The following GPI variants were observed in gnomAD, a reference collection of about 807,000 sequenced individuals.
The protein encoded by GPI is glucose-6-phosphate isomerase.
A neutral mutation model predicts 75.8 loss-of-function variants in GPI; 56 were observed. That is an observed-to-expected ratio of 0.74 (90% confidence interval 0.60 to 0.92). GPI has a LOEUF of 0.92. Among genes scored for constraint, GPI ranks in the 40% least tolerant of loss-of-function variants. The pLI is 0.00. For synonymous variants in GPI, 288 were observed against 285.4 expected (o/e 1.01, Z -0.09); for missense variants, 638 against 741.0 (o/e 0.86, Z 1.61).
At chr19:34,380,171 T>C (rs2074627228) in intron 8 of GPI, among the ~76,000 whole-genome samples, 1 of 151,784 alleles carries the variant, frequency 6.6e-6, no homozygotes, top group Non-Finnish European at 1.5e-5. Flanking sequence ...TATTTTCGTA[T>C]TTTTAGTAGA....
chr19:34,369,300 C>T (rs2074414704), intron 4 of GPI, among the ~76,000 whole-genome samples: 1 of 152,008 alleles, frequency 6.6e-6, no homozygotes, highest in Non-Finnish European at 1.5e-5. Flanking sequence ...CTGCCTGCCT[C>T]ACCTGGGATT....
chr19:34,363,440 T>C (rs1255162810), upstream of GPI: 1 of 152,330 alleles, frequency 6.6e-6, no homozygotes, highest in East Asian at 1.9e-4. Flanking sequence ...GTTGAGGTTT[T>C]GTTCTGAAAC....
intron 9 of GPI, among the ~76,000 whole-genome samples, chr19:34,389,631 T>C (rs1230863002): frequency 6.6e-6 from 1 of 152,214 alleles, no homozygotes. Flanking sequence ...CTGTCACGCT[T>C]GAGAAAGACT....
At position 34,393,497 on chromosome 19, in the gene GPI, C is replaced by G. The variant is rs575414348; in HGVS notation, c.865+189C>G. 169 of 719,220 alleles carry G rather than the reference C, an allele frequency of 2.3e-4. 2 individuals are homozygous for G. In the African/African-American group the frequency reaches 2.7e-3, roughly 11 times the overall value. The allele number at this position is 719,220 out of a possible 1,614,324, so 44.6% of individuals were successfully genotyped here. On this transcript the variant is annotated intron_variant, in intron 10 of 17. Transcript: ENST00000356487. This position sits in a 1 kb window ranked among gnomAD's most constrained non-coding sequence, Gnocchi z 4.4. ...TTTTTTTGCGTGTGCAAGTTGGCCC[C>G]CGTCTTTGCCCCTCACAACTGCAGT...
rs2074991728 is a variant in GPI, at chr19:34,399,560, T to C, written c.1403T>C (p.Phe468Ser). The change falls in exon 16 of 18, where the codon TTT (phenylalanine) becomes TCT (serine). Residue 468 changes from phenylalanine to serine, a missense_variant. Transcript: ENST00000356487. Reference protein sequence around the residue: ...DLERLLPHKVFEGNRPTNSIV... With the variant: ...DLERLLPHKVSEGNRPTNSIV... ...ATTCCTTGGTGTTTTCTGCAGGTCT[T>C]TGAAGGAAATCGCCCAACCAACTCT... 6.2e-7 allele frequency: 1 copy of C among 1,614,094 alleles called. No individual in the cohort carries two copies. The highest frequency in any genetic ancestry group is 8.5e-7 in the Non-Finnish European group (1 of 1,179,978).
intron 3 of GPI, 68 bp downstream of exon 3, chr19:34,366,919 G>A (rs376834493): frequency 3.1e-5 from 36 of 1,145,978 alleles, no homozygotes; most frequent in African/African-American, 1.5e-4. Flanking sequence ...ACTGTTAGCC[G>A]CATCACCCTG....
At chr19:34,367,261 G>A (rs1373553871) in intron 3 of GPI, 1 of 343,392 alleles carries the variant, frequency 2.9e-6, no homozygotes, top group Non-Finnish European at 5.8e-6. Flanking sequence ...AGGCCTGGGG[G>A]CCCCTGTTCC....
upstream of GPI, chr19:34,364,928 C>T (rs1281516137): frequency 5.9e-6 from 9 of 1,512,932 alleles, no homozygotes; most frequent in East Asian, 5.0e-5. Flanking sequence ...TCTCTGCAGC[C>T]TCCAACACCT....
At chr19:34,361,633 C>T (rs937590755), upstream of GPI, among the ~76,000 whole-genome samples, 1 of 152,106 alleles carries the variant, frequency 6.6e-6, no homozygotes, top group African/African-American at 2.4e-5. Context: ...TGCTTTCTCC[C>T]TGTAGCCACT....
chr19:34,392,923 G>A (rs2074886217), intron 9 of GPI: 1 of 416,682 alleles, frequency 2.4e-6, no homozygotes, highest in East Asian at 5.4e-5. Flanking sequence ...GAGGCCCTGG[G>A]TGTGTCCGTG....
At chr19:34,394,270 A>G (rs1390909540) in intron 12 of GPI, among the ~76,000 whole-genome samples, 2 of 152,152 alleles carry the variant, frequency 1.3e-5, no homozygotes, top group African/African-American at 2.4e-5. Flanking sequence ...TTTGATCACC[A>G]TGGGAGGGGC....
At chr19:34,388,990 G>A (rs2074780852) in intron 9 of GPI, among the ~76,000 whole-genome samples, 2 of 152,148 alleles carry the variant, frequency 1.3e-5, no homozygotes, top group Admixed American at 6.5e-5. Context: ...CTACTGGGGA[G>A]GCTGAGATGG....
Position 34,366,351 on chromosome 19 carries a change from C to T in GPI, c.129C>T (p.Thr43=), listed in dbSNP as rs755578867. Reference sequence around the variant, plus strand: ...CATCTCCATCTTTCTGCAGCTTGACCCTCAACACCAACCATGGGCATATCC... The same window carrying T: ...CATCTCCATCTTTCTGCAGCTTGACTCTCAACACCAACCATGGGCATATCC... ...NKDRFNHFSL[T]LNTNHGHILV... The change falls in exon 2 of 18, where the codon ACC becomes ACT. Residue 43 remains threonine (T), a synonymous_variant. Transcript: ENST00000356487. 10 of 1,608,594 alleles carry T rather than the reference C, an allele frequency of 6.2e-6. No homozygotes were observed. The South Asian group carries it at 8.8e-5, about 14-fold the overall frequency.
chr19:34,389,362 C>T (rs1218166449), intron 9 of GPI, among the ~76,000 whole-genome samples: 3 of 152,170 alleles, frequency 2.0e-5, no homozygotes, highest in Non-Finnish European at 2.9e-5. Context: ...TTGTCTTAGC[C>T]GCAGACTGTT....
intron 4 of GPI, among the ~76,000 whole-genome samples, chr19:34,369,731 C>G (rs975834962): frequency 6.6e-6 from 1 of 151,374 alleles, no homozygotes; most frequent in African/African-American, 2.4e-5. Flanking sequence ...TTCCTCATCC[C>G]CATTCCCAGC....
At chr19:34,380,483 T>C (rs1274501636) in intron 8 of GPI, among the ~76,000 whole-genome samples, 2 of 151,416 alleles carry the variant, frequency 1.3e-5, no homozygotes, top group East Asian at 3.9e-4. Context: ...GTTTTCTCCA[T>C]GGTGGCCAGG....
intron 1 of GPI, 120 bp from the exon 2 acceptor site, chr19:34,366,225 G>C (rs773440110): frequency 5.3e-6 from 4 of 760,316 alleles, no homozygotes; most frequent in Non-Finnish European, 9.7e-6. Flanking sequence ...CTGGGTGGCC[G>C]CGGCCCTTGT....
upstream of GPI, among the ~76,000 whole-genome samples, chr19:34,361,853 A>C (rs1359038830): frequency 6.6e-6 from 1 of 152,092 alleles, no homozygotes; most frequent in Non-Finnish European, 1.5e-5. Flanking sequence ...GCAGTGGCTC[A>C]CGCCTGTAAT....
chr19:34,389,234 G>A (rs1187029988), intron 9 of GPI, among the ~76,000 whole-genome samples: 2 of 152,138 alleles, frequency 1.3e-5, no homozygotes, highest in Non-Finnish European at 2.9e-5. Context: ...TGGCCCCACC[G>A]GTCATCTCAT....
Sources: allele counts gnomAD v4.1 joint callset (sites outside exome capture counted in the v4.1 genomes callset), GRCh38; gene constraint gnomAD v4.1.1; non-coding constraint Gnocchi (gnomAD v3.1); transcripts MANE v1.5; gene names NCBI Gene and HGNC (gene_info 2026-07-23, HGNC 2026-07-21).